POLA1: variants seen among roughly 807,000 people sequenced by gnomAD.
POLA1 encodes the protein DNA polymerase alpha 1, catalytic subunit.
A neutral mutation model predicts 124.0 loss-of-function variants in POLA1; 15 were observed. The ratio of observed to expected loss-of-function variants is 0.12; its 90% CI spans 0.08 to 0.19. The LOEUF is 0.19. Ranked by LOEUF, POLA1 falls within the 10% of genes least tolerant of loss-of-function variation. The pLI is 1.00. For synonymous variants in POLA1, 408 were observed against 389.4 expected, an observed-to-expected ratio of 1.05 and a Z score of -0.56; for missense variants, 886 against 1,103.4, an observed-to-expected ratio of 0.80 and a Z score of 2.79.
chrX:24,818,198 ATT>A (rs369592800), intron 30 of POLA1, among the ~76,000 whole-genome samples: 5 of 103,717 alleles, frequency 4.8e-5, no homozygotes, highest in Non-Finnish European at 4.0e-5. Context: ...ACCAGGAAGC[ATT>A]TTTTTTTTTT....
chrX:24,794,269 A>G (rs1352926989), intron 26 of POLA1, among the ~76,000 whole-genome samples: 4 of 112,045 alleles, frequency 3.6e-5, no homozygotes, highest in African/African-American at 6.5e-5. Flanking sequence ...GTGAACCATC[A>G]CACCCGGCCT....
intron 35 of POLA1, among the ~76,000 whole-genome samples, chrX:24,902,328 C>T (rs775440690): frequency 1.8e-5 from 2 of 111,917 alleles, no homozygotes; most frequent in Non-Finnish European, 3.8e-5. Context: ...CTCTGTGCTT[C>T]TGCTTCGAAG....
At chrX:24,827,842 A>G (rs914014865) in intron 32 of POLA1, among the ~76,000 whole-genome samples, 5 of 112,117 alleles carry the variant, frequency 4.5e-5, no homozygotes, top group African/African-American at 1.6e-4. Flanking sequence ...GTCAGTAGAA[A>G]TATGTTCATA....
intron 34 of POLA1, among the ~76,000 whole-genome samples, chrX:24,886,693 C>T (rs2047069064): frequency 8.9e-6 from 1 of 111,970 alleles, no homozygotes; most frequent in Non-Finnish European, 1.9e-5. Flanking sequence ...AATGAACCAA[C>T]ACTCATGTAT....
chrX:24,751,400 C>T (rs1932314371), intron 26 of POLA1, among the ~76,000 whole-genome samples: 1 of 111,905 alleles, frequency 8.9e-6, no homozygotes, highest in Admixed American at 9.5e-5. Context: ...AATAACAAAT[C>T]TTTAATAAAT....
intron 35 of POLA1, among the ~76,000 whole-genome samples, chrX:24,918,196 C>T (rs1458767435): frequency 9.3e-6 from 1 of 107,457 alleles, no homozygotes; most frequent in Non-Finnish European, 1.9e-5. Flanking sequence ...ACACACCCCA[C>T]CCATCACCAC....
In POLA1 at chrX:24,980,893, G is replaced by A. The variant is rs1045622181; in HGVS notation, c.4262-14912G>A. 8.1e-5 allele frequency among the ~76,000 whole-genome samples: 9 copies of A among 111,488 alleles called. 1 individual carries two copies. Among genetic ancestry groups the A allele is most frequent in the Non-Finnish European group, 1.7e-4 (9 of 53,046 alleles). On this transcript the variant is annotated intron_variant, in intron 36 of 36. Coordinates refer to ENST00000379068, the MANE Select transcript of POLA1 (RefSeq NM_001330360.2). ...ATCTTTTGATAAATAGCAAACCTTAGGCATCTGTGTGGGTACCTATATTAT... is the reference window on the plus strand; with the variant it reads ...ATCTTTTGATAAATAGCAAACCTTAAGCATCTGTGTGGGTACCTATATTAT...
intron 26 of POLA1, among the ~76,000 whole-genome samples, chrX:24,759,372 A>C (rs898954117): frequency 8.9e-6 from 1 of 111,984 alleles, no homozygotes; most frequent in Non-Finnish European, 1.9e-5. Context: ...TCAGTTTGTC[A>C]GGGAGTGCAT....
chrX:24,908,804 CG>C (rs1569358300), intron 35 of POLA1, among the ~76,000 whole-genome samples: 1 of 111,282 alleles, frequency 9.0e-6, no homozygotes, highest in Non-Finnish European at 1.9e-5. Context: ...CCTGAGGAAT[CG>C]CCACACTGAC....
intron 36 of POLA1, among the ~76,000 whole-genome samples, chrX:24,951,533 A>G (rs2048044240): frequency 9.1e-6 from 1 of 110,108 alleles, no homozygotes; most frequent in Non-Finnish European, 1.9e-5. Flanking sequence ...TGGTGTGTTT[A>G]CCTGAATATT....
intron 26 of POLA1, among the ~76,000 whole-genome samples, chrX:24,798,152 C>T (rs1339432297): frequency 8.9e-6 from 1 of 111,961 alleles, no homozygotes; most frequent in Non-Finnish European, 1.9e-5. Context: ...TATTCTGTAT[C>T]TCCATCCTAA....
chrX:24,813,664 A>G (rs1317837535), intron 29 of POLA1, among the ~76,000 whole-genome samples: 1 of 111,302 alleles, frequency 9.0e-6, no homozygotes, highest in Non-Finnish European at 1.9e-5. Flanking sequence ...AAATACAAGT[A>G]TTAGCCAGGC....
rs769232586 is a variant in POLA1 at position 24,795,372 on chromosome X, G to C, written c.2965-14526G>C. ...GCACTTTTTCAATTCCCAGTCTCCTGTGAATTTGTATACCCTCAATGGTGT... is the reference window on the plus strand; with the variant it reads ...GCACTTTTTCAATTCCCAGTCTCCTCTGAATTTGTATACCCTCAATGGTGT... On this transcript the variant is annotated intron_variant, in intron 26 of 36. Transcript: ENST00000379068. Among the ~76,000 whole-genome samples, 4 of 111,700 alleles carry C rather than the reference G, an allele frequency of 3.6e-5. No homozygotes were observed. The East Asian group carries it at 8.5e-4, about 24-fold the overall frequency.
intron 34 of POLA1, among the ~76,000 whole-genome samples, chrX:24,866,054 G>T (rs189017041): frequency 8.9e-6 from 1 of 111,794 alleles, no homozygotes; most frequent in East Asian, 2.8e-4. Flanking sequence ...TTTGTAAACA[G>T]TTACTAATGC....
intron 6 of POLA1, among the ~76,000 whole-genome samples, chrX:24,715,863 A>T (rs1158154150): frequency 9.0e-6 from 1 of 111,275 alleles, no homozygotes; most frequent in Non-Finnish European, 1.9e-5. Context: ...CAATCTGCAC[A>T]ATCAGGTATA....
chrX:24,872,117 AG>A (rs1181593852), intron 34 of POLA1, among the ~76,000 whole-genome samples: 1 of 111,774 alleles, frequency 8.9e-6, no homozygotes, highest in Admixed American at 9.6e-5. Context: ...GACCAAAAAA[AG>A]GAATATATAA....
At chrX:24,971,566 T>C (rs2048303055) in intron 36 of POLA1, among the ~76,000 whole-genome samples, 1 of 112,117 alleles carries the variant, frequency 8.9e-6, no homozygotes, top group African/African-American at 3.2e-5. Flanking sequence ...TGCCTCACAC[T>C]GTCCCCTGGC....
chrX:24,739,458 T>C lies in POLA1; in HGVS notation c.2124T>C (p.Arg708=), dbSNP rs1029835663. Residue 708 remains arginine (R), a synonymous_variant, in exon 20 of 37, where the codon CGT becomes CGC. Transcript: ENST00000379068. ...AAATTTCAGCAAAGGAATTGATTCG[T>C]TGTAAAAGCTACCATCTGTCTGAAC... The part of the protein sequence containing the change: ...DVEISAKELI[R]CKSYHLSELV... The C allele has an allele frequency of 6.7e-6, 8 of 1,189,560 alleles. No homozygotes were observed. Among genetic ancestry groups the C allele is most frequent in the Admixed American group, 2.2e-5 (1 of 45,663 alleles).
intron 10 of POLA1, among the ~76,000 whole-genome samples, chrX:24,720,207 A>T (rs1391829730): frequency 8.9e-6 from 1 of 111,851 alleles, no homozygotes; most frequent in Admixed American, 9.5e-5. Flanking sequence ...TTCAGCCCAG[A>T]TGTTATCTCC....
Sources: allele counts gnomAD v4.1 joint callset (sites outside exome capture counted in the v4.1 genomes callset), GRCh38; gene constraint gnomAD v4.1.1; transcripts MANE v1.5; gene names NCBI Gene and HGNC (gene_info 2026-07-23, HGNC 2026-07-21).